GRM7: variants seen among roughly 807,000 people sequenced by gnomAD.
The protein encoded by GRM7 is metabotropic glutamate receptor 7.
GRM7 carries 35 observed loss-of-function variants against 84.5 expected under a neutral mutation model. The ratio of observed to expected loss-of-function variants is 0.41; its 90% CI spans 0.32 to 0.55. GRM7 has a LOEUF of 0.55. Ranked by LOEUF, GRM7 falls within the 20% of genes least tolerant of loss-of-function variation. The pLI, the probability that GRM7 is intolerant of heterozygous loss-of-function variation, is 0.19. For missense variants in GRM7, 1,003 were observed against 1,194.6 expected (o/e 0.84, Z 2.36); for synonymous variants, 487 against 455.1 (o/e 1.07, Z -0.89).
chr3:6,948,586 C>T (rs1698184295), intron 1 of GRM7, among the ~76,000 whole-genome samples: 2 of 152,134 alleles, frequency 1.3e-5, no homozygotes, highest in South Asian at 4.1e-4. Context: ...TGGTGCAGAG[C>T]TGAGTTCAAT....
chr3:7,126,356 G>T (rs569462688), intron 1 of GRM7, among the ~76,000 whole-genome samples: 1 of 152,170 alleles, frequency 6.6e-6, no homozygotes, highest in Non-Finnish European at 1.5e-5. Context: ...GGTCAAATGT[G>T]TGGCACTCAG....
At chr3:7,235,297 C>A (rs1025410197) in intron 2 of GRM7, among the ~76,000 whole-genome samples, 3 of 152,138 alleles carry the variant, frequency 2.0e-5, no homozygotes, top group African/African-American at 7.2e-5. Flanking sequence ...TAGCATTTTT[C>A]AGCTCTTGGT....
At chr3:7,237,783 C>T (rs536408002) in intron 2 of GRM7, among the ~76,000 whole-genome samples, 9 of 152,260 alleles carry the variant, frequency 5.9e-5, no homozygotes, top group Admixed American at 4.6e-4. Context: ...CTTTTATTCC[C>T]TTATTTGGCC....
chr3:7,387,242 T>C (rs2125136364), intron 4 of GRM7, among the ~76,000 whole-genome samples: 1 of 152,332 alleles, frequency 6.6e-6, no homozygotes, highest in Admixed American at 6.5e-5. Flanking sequence ...ATAGGTTGCC[T>C]GTTTACTCTG....
intron 1 of GRM7, among the ~76,000 whole-genome samples, chr3:7,100,545 T>G (rs937000881): frequency 1.3e-5 from 2 of 151,888 alleles, no homozygotes; most frequent in African/African-American, 4.8e-5. Context: ...ATGAGTGTAC[T>G]GTGGAATACC....
At chr3:7,626,709 A>C (rs1697631175) in intron 8 of GRM7, among the ~76,000 whole-genome samples, 1 of 152,118 alleles carries the variant, frequency 6.6e-6, no homozygotes, top group Admixed American at 6.5e-5. Flanking sequence ...TGGATTAGAG[A>C]CCCACCCTAA....
chr3:6,959,934 G>T (rs1174384749), intron 1 of GRM7, among the ~76,000 whole-genome samples: 1 of 152,096 alleles, frequency 6.6e-6, no homozygotes, highest in African/African-American at 2.4e-5. Flanking sequence ...ATCTGAAGGT[G>T]TTTCTTTCTG....
intron 8 of GRM7, among the ~76,000 whole-genome samples, chr3:7,624,907 T>C (rs1294210911): frequency 6.6e-6 from 1 of 152,158 alleles, no homozygotes; most frequent in Non-Finnish European, 1.5e-5. Context: ...CAAGCCTTCC[T>C]GGAGGAGGCG....
At chr3:6,891,844 A>T (rs555597553) in intron 1 of GRM7, among the ~76,000 whole-genome samples, 1 of 152,086 alleles carries the variant, frequency 6.6e-6, no homozygotes, top group Admixed American at 6.5e-5. Flanking sequence ...ACTTGGTTCT[A>T]TTCTCCCCGT....
At position 7,563,291 on chromosome 3, in the gene GRM7, C is replaced by T. The variant is rs930042026; in HGVS notation, c.1516-15131C>T. Among the ~76,000 whole-genome samples the T allele has an allele frequency of 1.3e-5, 2 of 152,234 alleles. 1 individual carries two copies. Among genetic ancestry groups the T allele is most frequent in the South Asian group, 4.1e-4 (2 of 4,826 alleles). On this transcript the variant is annotated intron_variant, in intron 7 of 9. Transcript: ENST00000357716. ...GCGCAAAAGAAGAATGACAAGTGTT[C>T]AAAGGCATAAAAGAGGACATTTTTT...
At chr3:7,350,334 T>C (rs1186391164) in intron 4 of GRM7, among the ~76,000 whole-genome samples, 1 of 152,076 alleles carries the variant, frequency 6.6e-6, no homozygotes, top group Non-Finnish European at 1.5e-5. Context: ...TGGATCATGA[T>C]GGTGGTTTCT....
At chr3:6,889,475 A>C (rs948254231) in intron 1 of GRM7, among the ~76,000 whole-genome samples, 23 of 151,640 alleles carry the variant, frequency 1.5e-4, no homozygotes, top group Non-Finnish European at 3.2e-4. Context: ...CCTTTTCTGC[A>C]TCTATTGAGA....
At chr3:7,612,883 C>T (rs927478063) in intron 8 of GRM7, among the ~76,000 whole-genome samples, 8 of 152,130 alleles carry the variant, frequency 5.3e-5, no homozygotes, top group African/African-American at 1.9e-4. Context: ...AGATCCATTG[C>T]TTATCTTTAA....
At chr3:6,889,407 T>G (rs1370554121) in intron 1 of GRM7, among the ~76,000 whole-genome samples, 2 of 152,106 alleles carry the variant, frequency 1.3e-5, no homozygotes, top group African/African-American at 4.8e-5. Flanking sequence ...ATACATCCCA[T>G]CAATACCTAA....
intron 2 of GRM7, among the ~76,000 whole-genome samples, chr3:7,243,640 T>C (rs1168332997): frequency 6.6e-6 from 1 of 152,124 alleles, no homozygotes; most frequent in African/African-American, 2.4e-5. Flanking sequence ...TAAGGTCACG[T>C]GCTCTACCTT....
intron 8 of GRM7, among the ~76,000 whole-genome samples, chr3:7,658,784 A>C (rs987393751): frequency 1.3e-5 from 2 of 152,208 alleles, no homozygotes; most frequent in Non-Finnish European, 2.9e-5. Flanking sequence ...TGCATGATCT[A>C]TATTGAATTT....
chr3:7,064,994 A>G (rs11918886), intron 1 of GRM7, among the ~76,000 whole-genome samples: 17,019 of 151,710 alleles, frequency 0.11, 1,261 homozygotes, highest in African/African-American at 0.21. Context: ...CTTCTTTTGA[A>G]AACTGTCTGT....
chr3:7,022,718 TG>T (rs1026023840), intron 1 of GRM7, among the ~76,000 whole-genome samples: 2 of 152,154 alleles, frequency 1.3e-5, no homozygotes, highest in African/African-American at 4.8e-5. Context: ...AAAAGTGTCT[TG>T]AGCCCTTGAG....
intron 4 of GRM7, among the ~76,000 whole-genome samples, chr3:7,351,339 G>GA (rs768248079): frequency 0.32 from 14,814 of 45,824 alleles, 3,347 homozygotes; most frequent in East Asian, 0.41. Flanking sequence ...TCCCACAGGC[G>GA]AAAAAAAAAA....
Sources: allele counts gnomAD v4.1 joint callset (sites outside exome capture counted in the v4.1 genomes callset), GRCh38; gene constraint gnomAD v4.1.1; transcripts MANE v1.5; gene names NCBI Gene and HGNC (gene_info 2026-07-23, HGNC 2026-07-21).